The following STAU2 variants were observed in gnomAD, a reference collection of about 807,000 sequenced individuals.
The protein encoded by STAU2 is double-stranded RNA-binding protein Staufen homolog 2.
STAU2 carries 20 observed loss-of-function variants against 65.9 expected under a neutral mutation model. That is an observed-to-expected ratio of 0.30 (90% CI 0.21 to 0.44). The LOEUF is 0.44. Ranked by LOEUF, STAU2 falls within the 20% of genes least tolerant of loss-of-function variation. The pLI, the probability that STAU2 is intolerant of heterozygous loss-of-function variation, is 1.00. For missense variants in STAU2, 558 were observed against 683.9 expected (o/e 0.82, Z 2.05); for synonymous variants, 232 against 233.9 (o/e 0.99, Z 0.07).
At chr8:73,454,709 A>G (rs766477117) in intron 13 of STAU2, among the ~76,000 whole-genome samples, 1 of 152,238 alleles carries the variant, frequency 6.6e-6, no homozygotes, top group Non-Finnish European at 1.5e-5. Flanking sequence ...TCTTATTTTT[A>G]AAGAGAGAAG....
At chr8:73,493,727 C>G (rs998669801) in intron 13 of STAU2, among the ~76,000 whole-genome samples, 1 of 151,704 alleles carries the variant, frequency 6.6e-6, no homozygotes, top group African/African-American at 2.4e-5. Flanking sequence ...TATGACCCAG[C>G]AATTCCACCT....
rs145491455 is a variant in STAU2, at chr8:73,677,323, T to A, written c.275-4081A>T. 2.2e-3 allele frequency among the ~76,000 whole-genome samples: 341 copies of A among 152,306 alleles called. 4 individuals are homozygous for A. Among genetic ancestry groups the A allele is most frequent in the African/African-American group, 7.8e-3 (326 of 41,564 alleles). ...TATGTATTAATACCAAATACATTCA[T>A]AACTATGACCCAACAGTTCCAATCC... On this transcript the variant is annotated intron_variant, in intron 5 of 14. Transcript: ENST00000524300.
At chr8:73,510,632 A>C (rs1434042705) in intron 13 of STAU2, among the ~76,000 whole-genome samples, 1 of 152,218 alleles carries the variant, frequency 6.6e-6, no homozygotes, top group Non-Finnish European at 1.5e-5. Flanking sequence ...AGGAAACTTC[A>C]ATCACGGCGG....
At chr8:73,599,745 AT>A (rs1811486844) in intron 10 of STAU2, among the ~76,000 whole-genome samples, 1 of 151,106 alleles carries the variant, frequency 6.6e-6, no homozygotes, top group African/African-American at 2.4e-5. Context: ...TACAGTTTTT[AT>A]TTGTGTTATT....
chr8:73,505,462 C>G (rs1158681838), intron 13 of STAU2, among the ~76,000 whole-genome samples: 1 of 151,940 alleles, frequency 6.6e-6, no homozygotes, highest in African/African-American at 2.4e-5. Context: ...GGACGGAGTA[C>G]CACAGCTCAA....
intron 12 of STAU2, among the ~76,000 whole-genome samples, chr8:73,559,538 G>A (rs1808037819): frequency 6.6e-6 from 1 of 152,198 alleles, no homozygotes. Flanking sequence ...GACAGTGTGG[G>A]CCTCATAGCC....
intron 1 of STAU2, among the ~76,000 whole-genome samples, chr8:73,740,090 C>A (rs2130783556): frequency 6.6e-6 from 1 of 152,318 alleles, no homozygotes; most frequent in Non-Finnish European, 1.5e-5. Context: ...GGAAACTGAA[C>A]CCTGCAAGAG....
At chr8:73,595,984 C>T (rs1284791755) in intron 10 of STAU2, among the ~76,000 whole-genome samples, 1 of 151,994 alleles carries the variant, frequency 6.6e-6, no homozygotes, top group Non-Finnish European at 1.5e-5. Flanking sequence ...TGATGGAACA[C>T]ACCTGTAGTC....
intron 13 of STAU2, among the ~76,000 whole-genome samples, chr8:73,472,929 G>A (rs944821887): frequency 3.6e-4 from 55 of 152,260 alleles, no homozygotes; most frequent in African/African-American, 1.3e-3. Flanking sequence ...AGGTATTGGT[G>A]AAAACTAGCT....
intron 13 of STAU2, among the ~76,000 whole-genome samples, chr8:73,427,582 C>T (rs1816919076): frequency 6.6e-6 from 1 of 152,224 alleles, no homozygotes; most frequent in African/African-American, 2.4e-5. Context: ...CTCTGAGGTC[C>T]TTTTAAGTCC....
chr8:73,631,822 G>C lies in STAU2; in HGVS notation c.411-14371C>G, dbSNP rs1814108735. Among the ~76,000 whole-genome samples the C allele has an allele frequency of 1.3e-5, 2 of 152,152 alleles. 1 individual carries two copies. Among genetic ancestry groups the C allele is most frequent in the South Asian group, 4.1e-4 (2 of 4,832 alleles). On this transcript the variant is annotated intron_variant, in intron 6 of 14. Transcript: ENST00000524300. ...TAAGCTCCCAGGAAACTCAAACTGA[G>C]AAAAGCAGTAAGCCATGATGAGAAT...
chr8:73,602,123 T>C (rs763983280), intron 10 of STAU2, among the ~76,000 whole-genome samples: 1 of 151,846 alleles, frequency 6.6e-6, no homozygotes, highest in Non-Finnish European at 1.5e-5. Context: ...AAAAAAACCA[T>C]ACAGGCAGAA....
chr8:73,525,094 GT>G (rs1388008622), intron 13 of STAU2, among the ~76,000 whole-genome samples: 1 of 152,178 alleles, frequency 6.6e-6, no homozygotes, highest in Non-Finnish European at 1.5e-5. Context: ...CTACAATAGT[GT>G]TTGATGTACA....
At chr8:73,472,704 T>C (rs996990716) in intron 13 of STAU2, among the ~76,000 whole-genome samples, 2 of 151,734 alleles carry the variant, frequency 1.3e-5, no homozygotes, top group Non-Finnish European at 2.9e-5. Flanking sequence ...AATAGAGAGA[T>C]AAAAGTTGCA....
At chr8:73,591,897 A>C (rs1810818660) in intron 11 of STAU2, among the ~76,000 whole-genome samples, 3 of 144,314 alleles carry the variant, frequency 2.1e-5, no homozygotes, top group African/African-American at 5.2e-5. Flanking sequence ...AAAAAAAAAA[A>C]AAAAAAAAAA....
chr8:73,719,076 A>T (rs1050884423), intron 3 of STAU2, among the ~76,000 whole-genome samples: 2 of 152,240 alleles, frequency 1.3e-5, no homozygotes, highest in African/African-American at 2.4e-5. Flanking sequence ...GGAACTGGTT[A>T]AAGTGGACAT....
chr8:73,698,357 A>T (rs1421925518), intron 4 of STAU2, among the ~76,000 whole-genome samples: 1 of 152,104 alleles, frequency 6.6e-6, no homozygotes, highest in African/African-American at 2.4e-5. Flanking sequence ...CAGTCAAAAG[A>T]CATAGAGTGG....
At chr8:73,490,479 T>C (rs1821104851) in intron 13 of STAU2, among the ~76,000 whole-genome samples, 1 of 152,018 alleles carries the variant, frequency 6.6e-6, no homozygotes, top group Non-Finnish European at 1.5e-5. Flanking sequence ...AAAACTACAC[T>C]TAAGTCTTTT....
intron 13 of STAU2, among the ~76,000 whole-genome samples, chr8:73,536,659 C>T (rs918093492): frequency 1.3e-5 from 2 of 152,126 alleles, no homozygotes; most frequent in African/African-American, 4.8e-5. Context: ...GCGTCGTACT[C>T]CTCCTTGCCA....
Sources: allele counts gnomAD v4.1 joint callset (sites outside exome capture counted in the v4.1 genomes callset), GRCh38; gene constraint gnomAD v4.1.1; transcripts MANE v1.5; gene names NCBI Gene and HGNC (gene_info 2026-07-23, HGNC 2026-07-21).